ANKRD30A: variants seen among roughly 807,000 people sequenced by gnomAD.
ANKRD30A encodes the protein ankyrin repeat domain-containing protein 30A.
In ANKRD30A, 170 loss-of-function variants were observed where a neutral mutation model predicts 166.3. The observed-to-expected ratio is 1.02, with a 90% CI of 0.90 to 1.16. The LOEUF (loss-of-function observed/expected upper bound fraction) is 1.16. ANKRD30A is among the 50% of genes most tolerant of loss of function. The pLI, the probability that ANKRD30A is intolerant of heterozygous loss-of-function variation, is 0.00. For synonymous variants in ANKRD30A, 564 were observed against 508.9 expected (o/e 1.11, Z -1.46); for missense variants, 1,630 against 1,518.0 (o/e 1.07, Z -1.23).
intron 4 of ANKRD30A, among the ~76,000 whole-genome samples, chr10:37,132,667 T>C (rs751183648): frequency 4.6e-5 from 7 of 152,212 alleles, no homozygotes; most frequent in Non-Finnish European, 8.8e-5. Context: ...ACTTTTATAG[T>C]ATTTTTCTAA....
At chr10:37,259,173 A>G in the ANKRD30A span, among the ~76,000 whole-genome samples, 16 of 152,134 alleles carry the variant, frequency 1.1e-4, 1 homozygote, top group African/African-American at 3.6e-4. Flanking sequence ...GGGAGAAGAT[A>G]TCTGCAATAT....
At chr10:37,246,222 A>G in the ANKRD30A span, among the ~76,000 whole-genome samples, 2 of 152,220 alleles carry the variant, frequency 1.3e-5, no homozygotes, top group Non-Finnish European at 2.9e-5. Flanking sequence ...TCAAAGTTCA[A>G]TTTTACAAAG....
chr10:37,146,450 C>T (rs746516800), intron 8 of ANKRD30A, among the ~76,000 whole-genome samples: 7 of 149,646 alleles, frequency 4.7e-5, no homozygotes, highest in Admixed American at 1.3e-4. Flanking sequence ...TATGTATTTG[C>T]GGCAGCGCTC....
intron 15 of ANKRD30A, among the ~76,000 whole-genome samples, chr10:37,159,412 G>A (rs749416145): frequency 3.3e-5 from 5 of 152,130 alleles, no homozygotes; most frequent in Non-Finnish European, 5.9e-5. Flanking sequence ...CAGCTACTCT[G>A]GAGGCTGAGG....
chr10:37,250,678 C>T, the ANKRD30A span, among the ~76,000 whole-genome samples: 1 of 152,036 alleles, frequency 6.6e-6, no homozygotes, highest in Non-Finnish European at 1.5e-5. Flanking sequence ...ATAGAAGGGA[C>T]TCCAGAGAGC....
At chr10:37,223,386 G>T (rs1842982721) in intron 34 of ANKRD30A, among the ~76,000 whole-genome samples, 2 of 151,328 alleles carry the variant, frequency 1.3e-5, no homozygotes, top group Non-Finnish European at 3.0e-5. Context: ...CTGAAGTTAG[G>T]TGAGAATCAG....
chr10:37,242,573 C>A, the ANKRD30A span, among the ~76,000 whole-genome samples: 1 of 152,196 alleles, frequency 6.6e-6, no homozygotes, highest in East Asian at 1.9e-4. Context: ...TTTTTCAAAG[C>A]TTTTTCTTTG....
intron 15 of ANKRD30A, among the ~76,000 whole-genome samples, chr10:37,159,660 A>C (rs773675159): frequency 6.6e-6 from 1 of 151,946 alleles, no homozygotes; most frequent in African/African-American, 2.4e-5. Context: ...TTCATGTCTT[A>C]AATTTTCTTC....
intron 5 of ANKRD30A, among the ~76,000 whole-genome samples, chr10:37,135,535 TCTCAGAAATGAGAAAATACCAA>T: frequency 1.3e-5 from 2 of 152,320 alleles, no homozygotes; most frequent in East Asian, 3.9e-4. Context: ...TTAGTAGGCA[TCTCAGAAATGAGAAAATACCAA>T]CTTGCATCTT....
rs1304665568 is a variant in ANKRD30A at position 37,162,766 on chromosome 10, C to T, written c.1930-10C>T. ...TCTTTATTAATCATTTTGCTTCCAA[C>T]CCCATTTAGCCTGCCACTGAAATGC... On this transcript the variant is annotated splice_polypyrimidine_tract_variant and intron_variant, in intron 16 of 35. Transcript: ENST00000361713. 7 of 1,613,600 alleles carry T rather than the reference C, an allele frequency of 4.3e-6. No homozygotes were observed. The highest frequency in any genetic ancestry group is 5.9e-6 in the Non-Finnish European group (7 of 1,179,794).
At chr10:37,251,680 A>G in the ANKRD30A span, among the ~76,000 whole-genome samples, 1 of 152,180 alleles carries the variant, frequency 6.6e-6, no homozygotes, top group Non-Finnish European at 1.5e-5. Context: ...AATGTTCACC[A>G]TGGGCAAAGC....
rs1476212878 is a variant in ANKRD30A at position 37,136,639 on chromosome 10, A to C, written c.788A>C (p.Lys263Thr). Reference protein sequence around the residue: ...IHEQIMEYIRKLSKNHQNTNP... With the variant: ...IHEQIMEYIRTLSKNHQNTNP... Reference sequence around the variant, plus strand: ...GAACAAATTATGGAATATATACGAAAATTATCTAAAAATCATCAAAATACC... The same window carrying C: ...GAACAAATTATGGAATATATACGAACATTATCTAAAAATCATCAAAATACC... The change falls in exon 6 of 36, where the codon AAA becomes ACA. Residue 263 changes from lysine (K) to threonine (T), a missense_variant. Around this residue, in one of 4 missense-constraint regions of ANKRD30A, gnomAD observed 904 missense variants for 818.5 expected, o/e 1.10. Coordinates refer to ENST00000361713, the MANE Select transcript of ANKRD30A (RefSeq NM_052997.3). 1 of 1,419,190 alleles carries C rather than the reference A, an allele frequency of 7.0e-7. No homozygotes were observed. Among genetic ancestry groups the C allele is most frequent in the Non-Finnish European group, 9.7e-7 (1 of 1,031,908 alleles). The allele number at this position is 1,419,190 out of a possible 1,614,324, so 87.9% of individuals were successfully genotyped here. A position where few individuals can be genotyped will look rare whatever the true frequency, so the allele number is the denominator to read the frequency against.
At chr10:37,196,017 A>G (rs971923019) in intron 27 of ANKRD30A, among the ~76,000 whole-genome samples, 2 of 152,092 alleles carry the variant, frequency 1.3e-5, no homozygotes, top group African/African-American at 4.8e-5. Flanking sequence ...AGAGAAAGGA[A>G]GTGTTGAACA....
At chr10:37,157,210 C>G (rs541949227) in intron 13 of ANKRD30A, among the ~76,000 whole-genome samples, 34 of 152,196 alleles carry the variant, frequency 2.2e-4, no homozygotes, top group African/African-American at 7.9e-4. Context: ...AGTTTAACAC[C>G]TGGCACGGTG....
chr10:37,165,654 A>G (rs1839265033), intron 18 of ANKRD30A, among the ~76,000 whole-genome samples: 1 of 152,106 alleles, frequency 6.6e-6, no homozygotes, highest in Admixed American at 6.6e-5. Flanking sequence ...TTTCAGCAGA[A>G]AGAAAAGCAT....
At chr10:37,160,445 A>G (rs1838762549) in intron 15 of ANKRD30A, among the ~76,000 whole-genome samples, 3 of 152,164 alleles carry the variant, frequency 2.0e-5, no homozygotes, top group Non-Finnish European at 2.9e-5. Context: ...TATGTGAACT[A>G]TTAGGCCCCC....
chr10:37,144,466 T>A (rs1369650229), intron 7 of ANKRD30A, among the ~76,000 whole-genome samples: 4 of 152,218 alleles, frequency 2.6e-5, no homozygotes, highest in Admixed American at 6.5e-5. Context: ...CTAAAACACA[T>A]ACACACCAAA....
Position 37,142,114 on chromosome 10 carries a change from T to G in ANKRD30A, c.1217T>G (p.Phe406Cys). ...CCCGCAAAAGAAACATCTGAGAAAT[T>G]TACGTGGGCAGCAAAAGGAAGACCT... ...MSPAKETSEK[F>C]TWAAKGRPRK... The change falls in exon 7 of 36, where the codon TTT (phenylalanine) becomes TGT (cysteine). Residue 406 changes from phenylalanine (F) to cysteine (C), a missense_variant. Physicochemically the swap from Phe to Cys is radical, Grantham distance 205. This residue lies in a region of ANKRD30A where 904 missense variants were observed against 818.5 expected (regional missense o/e 1.10). Coordinates refer to ENST00000361713, the MANE Select transcript of ANKRD30A (RefSeq NM_052997.3). 1 of 1,610,174 alleles carries G rather than the reference T, an allele frequency of 6.2e-7. No homozygotes were observed. Among genetic ancestry groups the G allele is most frequent in the South Asian group, 1.1e-5 (1 of 90,872 alleles).
intron 21 of ANKRD30A, among the ~76,000 whole-genome samples, chr10:37,172,216 G>A (rs1364826635): frequency 3.1e-5 from 3 of 98,194 alleles, no homozygotes; most frequent in Admixed American, 1.9e-4. Flanking sequence ...GTGGTGGCAC[G>A]CACTTCTAAT....
Sources: allele counts gnomAD v4.1 joint callset (sites outside exome capture counted in the v4.1 genomes callset), GRCh38; gene constraint gnomAD v4.1.1; regional missense constraint gnomAD v4.1.1; transcripts MANE v1.5; gene names NCBI Gene and HGNC (gene_info 2026-07-23, HGNC 2026-07-21).